The following NXPH1 variants were observed in gnomAD, a reference collection of about 807,000 sequenced individuals.
NXPH1 encodes the protein neurexophilin-1.
In NXPH1, 5 loss-of-function variants were observed where a neutral mutation model predicts 23.7. That is an observed-to-expected ratio of 0.21 (90% CI 0.11 to 0.44). The LOEUF (loss-of-function observed/expected upper bound fraction) is 0.44, where lower values mean the gene tolerates loss of function less well. Among genes scored for constraint, NXPH1 ranks in the 20% least tolerant of loss-of-function variants. NXPH1 has a pLI of 0.99. For synonymous variants in NXPH1, 144 were observed against 122.2 expected (o/e 1.18, Z -1.18); for missense variants, 324 against 321.6 (o/e 1.01, Z -0.06).
intron 2 of NXPH1, among the ~76,000 whole-genome samples, chr7:8,639,647 T>G (rs1820275299): frequency 6.6e-6 from 1 of 152,188 alleles, no homozygotes; most frequent in Non-Finnish European, 1.5e-5. Context: ...AAATCTTAAC[T>G]TGAATTGTAT....
intron 2 of NXPH1, among the ~76,000 whole-genome samples, chr7:8,548,143 C>T (rs2128619294): frequency 2.6e-5 from 4 of 151,590 alleles, no homozygotes; most frequent in Middle Eastern, 6.8e-3. Context: ...TTCTTATCCT[C>T]CCACCTTTTC....
intron 2 of NXPH1, among the ~76,000 whole-genome samples, chr7:8,711,973 C>T (rs1364695004): frequency 6.6e-6 from 1 of 152,210 alleles, no homozygotes; most frequent in African/African-American, 2.4e-5. Flanking sequence ...TTCACATTAT[C>T]TGCCATTCAC....
At chr7:8,551,665 C>T (rs754561459) in intron 2 of NXPH1, among the ~76,000 whole-genome samples, 1 of 151,176 alleles carries the variant, frequency 6.6e-6, no homozygotes, top group African/African-American at 2.4e-5. Context: ...AACAGAAAAA[C>T]ATTCTTTTAA....
At chr7:8,731,227 T>C (rs1780147918) in intron 2 of NXPH1, among the ~76,000 whole-genome samples, 1 of 152,076 alleles carries the variant, frequency 6.6e-6, no homozygotes, top group Non-Finnish European at 1.5e-5. Flanking sequence ...TTGATTATTC[T>C]AGTTATACAT....
At chr7:8,494,641 A>G (rs1387861296) in intron 2 of NXPH1, among the ~76,000 whole-genome samples, 1 of 152,074 alleles carries the variant, frequency 6.6e-6, no homozygotes, top group African/African-American at 2.4e-5. Flanking sequence ...AATGCCAATA[A>G]TGGAGTCAAT....
intron 2 of NXPH1, among the ~76,000 whole-genome samples, chr7:8,500,706 C>T (rs1339795337): frequency 6.6e-6 from 1 of 152,102 alleles, no homozygotes; most frequent in Non-Finnish European, 1.5e-5. Context: ...ATAACACTGT[C>T]TGTAACCACT....
chr7:8,730,986 C>G (rs536668105), intron 2 of NXPH1, among the ~76,000 whole-genome samples: 2 of 146,406 alleles, frequency 1.4e-5, no homozygotes, highest in African/African-American at 5.2e-5. Flanking sequence ...ACCAATCAGA[C>G]GTAGATTTGG....
At chr7:8,727,387 G>A (rs1033881364) in intron 2 of NXPH1, among the ~76,000 whole-genome samples, 2 of 140,298 alleles carry the variant, frequency 1.4e-5, no homozygotes, top group African/African-American at 5.7e-5. Flanking sequence ...ATTGCTTTTG[G>A]TGTTTTAGAC....
intron 2 of NXPH1, among the ~76,000 whole-genome samples, chr7:8,493,552 G>A (rs1436709229): frequency 6.6e-6 from 1 of 152,036 alleles, no homozygotes; most frequent in Admixed American, 6.6e-5. Context: ...CAGAAAACTG[G>A]AGAGTAGTAT....
chr7:8,522,064 C>T (rs576899026), intron 2 of NXPH1, among the ~76,000 whole-genome samples: 1 of 152,204 alleles, frequency 6.6e-6, no homozygotes, highest in Non-Finnish European at 1.5e-5. Flanking sequence ...GCTATAAACT[C>T]ATACACATAT....
At chr7:8,700,135 A>T (rs915775163) in intron 2 of NXPH1, among the ~76,000 whole-genome samples, 7 of 152,164 alleles carry the variant, frequency 4.6e-5, no homozygotes, top group African/African-American at 1.4e-4. Context: ...CCTGAGAGAA[A>T]CTGTCATCGT....
chr7:8,625,369 A>G (rs897936222), intron 2 of NXPH1, among the ~76,000 whole-genome samples: 2 of 152,152 alleles, frequency 1.3e-5, no homozygotes, highest in Admixed American at 1.3e-4. Flanking sequence ...AGATCAACTC[A>G]AATTCTGAAA....
At chr7:8,607,471 A>G (rs1307402574) in intron 2 of NXPH1, among the ~76,000 whole-genome samples, 1 of 152,208 alleles carries the variant, frequency 6.6e-6, no homozygotes, top group African/African-American at 2.4e-5. Flanking sequence ...TGATCATGTT[A>G]TCAGTATAAT....
chr7:8,501,470 A>C (rs950920949), intron 2 of NXPH1, among the ~76,000 whole-genome samples: 1 of 152,098 alleles, frequency 6.6e-6, no homozygotes. Context: ...GGGAATCCAT[A>C]TGTCTTATGA....
intron 2 of NXPH1, among the ~76,000 whole-genome samples, chr7:8,551,763 C>A (rs991461513): frequency 1.3e-5 from 2 of 151,300 alleles, no homozygotes; most frequent in Non-Finnish European, 3.0e-5. Context: ...TGCATTATAA[C>A]GACTTTGAAG....
intron 2 of NXPH1, among the ~76,000 whole-genome samples, chr7:8,700,706 C>T (rs1779611962): frequency 6.6e-6 from 1 of 152,010 alleles, no homozygotes; most frequent in Non-Finnish European, 1.5e-5. Flanking sequence ...GGGGTAGCTC[C>T]CTTTACTGAA....
rs764519399 is a variant in NXPH1 at position 8,751,382 on chromosome 7, T to C, written c.429T>C (p.Asp143=). Reference sequence around the variant, plus strand: ...TGTTGATAACTGGGAAAATTGTAGATCATGGCAATGGGACATTTAGTGTTT... The same window carrying C: ...TGTTGATAACTGGGAAAATTGTAGACCATGGCAATGGGACATTTAGTGTTT... The part of the protein sequence containing the change: ...LNLLITGKIV[D]HGNGTFSVYF... Residue 143 remains aspartate (D), a synonymous_variant, in exon 3 of 3, where the codon GAT becomes GAC. Coordinates refer to ENST00000405863, the MANE Select transcript of NXPH1 (RefSeq NM_152745.3). The surrounding 1 kb of genome is among the most constrained non-coding windows in gnomAD (Gnocchi z 4.5). 1.2e-5 allele frequency: 20 copies of C among 1,613,774 alleles called. No individual in the cohort carries two copies. The East Asian group carries it at 4.0e-4, about 32-fold the overall frequency.
chr7:8,486,809 T>C (rs1817166544), intron 2 of NXPH1, among the ~76,000 whole-genome samples: 1 of 152,188 alleles, frequency 6.6e-6, no homozygotes, highest in Non-Finnish European at 1.5e-5. Flanking sequence ...CTTCTCATTA[T>C]TTTTGATCTG....
intron 2 of NXPH1, among the ~76,000 whole-genome samples, chr7:8,735,662 AG>A (rs1780238646): frequency 6.6e-6 from 1 of 152,200 alleles, no homozygotes; most frequent in African/African-American, 2.4e-5. Flanking sequence ...AAAATGAGTT[AG>A]GGAGGACTCC....
Sources: gnomAD v4.1 joint callset for allele counts (sites outside exome capture counted in the v4.1 genomes callset) on GRCh38, gnomAD v4.1.1 for gene constraint, Gnocchi (gnomAD v3.1) non-coding constraint, MANE v1.5 for transcripts, NCBI Gene and HGNC (gene_info 2026-07-23, HGNC 2026-07-21) for gene names.